Variants in PCDHA1 observed in about 807,000 individuals in gnomAD.
PCDHA1 encodes the protein protocadherin alpha-1.
A neutral mutation model predicts 61.3 loss-of-function variants in PCDHA1; 42 were observed. The observed-to-expected ratio is 0.69, with a 90% CI of 0.54 to 0.89. PCDHA1 has a LOEUF of 0.89. Among genes scored for constraint, PCDHA1 ranks in the 40% least tolerant of loss-of-function variants. The pLI is 0.00. For synonymous variants in PCDHA1, 610 were observed against 553.8 expected, an observed-to-expected ratio of 1.10 and a Z score of -1.43; for missense variants, 1,256 against 1,235.3, an observed-to-expected ratio of 1.02 and a Z score of -0.25.
chr5:140,805,920 A>T (rs1220088011), intron 1 of PCDHA1, among the ~76,000 whole-genome samples: 1 of 152,216 alleles, frequency 6.6e-6, no homozygotes, highest in African/African-American at 2.4e-5. Context: ...ATATTTAGGA[A>T]ATATTAGGTA....
At chr5:140,927,165 T>A in intron 1 of PCDHA1, 1 of 1,614,164 alleles carries the variant, frequency 6.2e-7, no homozygotes, top group Non-Finnish European at 8.5e-7. Context: ...GGGCCAAAGC[T>A]GCCTGCGTCT....
At chr5:140,987,314 G>A (rs1554249065) in intron 3 of PCDHA1, among the ~76,000 whole-genome samples, 1 of 152,126 alleles carries the variant, frequency 6.6e-6, no homozygotes, top group Non-Finnish European at 1.5e-5. Flanking sequence ...CCAATGTACT[G>A]TGAAGTTTTA....
chr5:140,822,050 A>G, intron 1 of PCDHA1: 1 of 1,614,182 alleles, frequency 6.2e-7, no homozygotes. Flanking sequence ...ATCGACCGGG[A>G]GGAGCTGTGC....
intron 1 of PCDHA1, chr5:140,876,005 T>C: frequency 6.2e-7 from 1 of 1,613,854 alleles, no homozygotes; most frequent in African/African-American, 1.3e-5. Context: ...AATGAGAATT[T>C]TGAGCTTAAA....
chr5:140,845,773 A>G lies in PCDHA1; in HGVS notation c.2394+57089A>G, dbSNP rs1780027224. Among the ~76,000 whole-genome samples, 2 of 149,724 alleles carry G rather than the reference A, an allele frequency of 1.3e-5. 1 individual carries two copies. Among genetic ancestry groups the G allele is most frequent in the Non-Finnish European group, 3.0e-5 (2 of 66,920 alleles). ...TTGTATCAAGTAAGTTAATAGTTAT[A>G]AATTATTAATAATAAACTCTGGCAA... On this transcript the variant is annotated intron_variant, in intron 1 of 3. Transcript: ENST00000504120.
At chr5:140,901,452 A>G (rs1352830826) in intron 1 of PCDHA1, among the ~76,000 whole-genome samples, 1 of 152,120 alleles carries the variant, frequency 6.6e-6, no homozygotes, top group African/African-American at 2.4e-5. Flanking sequence ...TTCCCAGCAC[A>G]GACTGTCTTT....
intron 1 of PCDHA1, among the ~76,000 whole-genome samples, chr5:140,881,717 G>A (rs374516377): frequency 2.6e-5 from 4 of 152,160 alleles, no homozygotes; most frequent in African/African-American, 9.7e-5. Flanking sequence ...GTGTGAGGAG[G>A]TCTTGAAAAA....
chr5:140,887,482 CT>C lies in PCDHA1; in HGVS notation c.2395-91465del, dbSNP rs2061466213. 4.6e-5 allele frequency among the ~76,000 whole-genome samples: 7 copies of C among 152,170 alleles called. 1 individual carries two copies. The highest frequency in any genetic ancestry group is 4.6e-4 in the Admixed American group (7 of 15,274). ...AAGATATAATTCAGTTGTCTTCTGG[CT>C]TGCATAGTTTCTAATAAGATGTTTG... On this transcript the variant is annotated intron_variant, in intron 1 of 3. Coordinates refer to ENST00000504120, the MANE Select transcript of PCDHA1 (RefSeq NM_018900.4).
At chr5:140,795,773 A>G in intron 1 of PCDHA1, 1 of 1,613,992 alleles carries the variant, frequency 6.2e-7, no homozygotes, top group Non-Finnish European at 8.5e-7. Flanking sequence ...TCTGATGCAG[A>G]TGAAGGACCG....
At chr5:140,912,310 A>T (rs936183695) in intron 1 of PCDHA1, among the ~76,000 whole-genome samples, 1 of 151,764 alleles carries the variant, frequency 6.6e-6, no homozygotes, top group African/African-American at 2.4e-5. Flanking sequence ...AATCCAGTCA[A>T]GTTGACCCTC....
chr5:140,925,499 T>C (rs2082524680), intron 1 of PCDHA1, among the ~76,000 whole-genome samples: 1 of 152,018 alleles, frequency 6.6e-6, no homozygotes, highest in African/African-American at 2.4e-5. Flanking sequence ...ACTGTCCCAA[T>C]ATCCACGCAA....
chr5:140,870,528 A>T, intron 1 of PCDHA1: 11 of 1,614,214 alleles, frequency 6.8e-6, no homozygotes, highest in Non-Finnish European at 7.6e-6. Context: ...ACATCTTCAC[A>T]GTGTCGGCGC....
intron 1 of PCDHA1, chr5:140,835,675 G>C (rs2150241595): frequency 6.2e-7 from 1 of 1,613,918 alleles, no homozygotes; most frequent in South Asian, 1.1e-5. Context: ...CGGGACGGGG[G>C]CTCGCCTTCT....
At chr5:140,875,271 C>A (rs1256076154) in intron 1 of PCDHA1, 2 of 1,256,362 alleles carry the variant, frequency 1.6e-6, no homozygotes, top group Non-Finnish European at 2.1e-6. Flanking sequence ...GCTCTACACT[C>A]AGAAGGTGAA....
chr5:140,993,617 C>A (rs1299213362), intron 3 of PCDHA1, among the ~76,000 whole-genome samples: 3 of 152,034 alleles, frequency 2.0e-5, no homozygotes, highest in Non-Finnish European at 4.4e-5. Context: ...TGTTGGGACC[C>A]TCTATATATA....
intron 3 of PCDHA1, among the ~76,000 whole-genome samples, chr5:141,001,895 G>T (rs1390745542): frequency 3.9e-5 from 6 of 152,208 alleles, no homozygotes; most frequent in Non-Finnish European, 8.8e-5. Context: ...AGAAATCGGG[G>T]CTGTTTGAAA....
At chr5:140,803,286 A>G in intron 1 of PCDHA1, 1 of 1,614,046 alleles carries the variant, frequency 6.2e-7, no homozygotes, top group Non-Finnish European at 8.5e-7. Context: ...GGTGGATGTC[A>G]ACGTGTACTT....
rs1485747567 is a variant in PCDHA1, at chr5:140,787,686, G to A, written c.1396G>A (p.Glu466Lys). 2 of 1,613,862 alleles carry A rather than the reference G, an allele frequency of 1.2e-6. No individual in the cohort carries two copies. The highest frequency in any genetic ancestry group is 1.3e-5 in the African/African-American group (1 of 74,926). The change falls in exon 1 of 4, where the codon GAG becomes AAG. Residue 466 changes from glutamate (E) to lysine (K), a missense_variant. Transcript: ENST00000504120. Reference protein sequence around the residue: ...AQPEYTVFVKENNPPGCHIFT... With the variant: ...AQPEYTVFVKKNNPPGCHIFT... ...GCCCGAGTACACAGTATTCGTGAAG[G>A]AGAACAACCCGCCGGGCTGCCACAT...
chr5:140,870,310 T>G, intron 1 of PCDHA1: 1 of 1,614,122 alleles, frequency 6.2e-7, no homozygotes, highest in South Asian at 1.1e-5. Flanking sequence ...CTTCAAGAAT[T>G]ACTACTCGTT....
Sources: gnomAD v4.1 joint callset for allele counts (sites outside exome capture counted in the v4.1 genomes callset) on GRCh38, gnomAD v4.1.1 for gene constraint, MANE v1.5 for transcripts, NCBI Gene and HGNC (gene_info 2026-07-23, HGNC 2026-07-21) for gene names.